The following KLHL29 variants were observed in gnomAD, a reference collection of about 807,000 sequenced individuals.
KLHL29 encodes the protein kelch-like protein 29.
Under a neutral mutation model 80.4 loss-of-function variants are expected in KLHL29, and 21 were observed. The ratio of observed to expected loss-of-function variants is 0.26; its 90% confidence interval spans 0.19 to 0.38. The LOEUF (loss-of-function observed/expected upper bound fraction) is 0.38. Among genes scored for constraint, KLHL29 ranks in the 10% least tolerant of loss-of-function variants. The pLI, the probability that KLHL29 is intolerant of heterozygous loss-of-function variation, is 1.00. For missense variants in KLHL29, 867 were observed against 1,223.9 expected, an observed-to-expected ratio of 0.71 and a Z score of 4.35; for synonymous variants, 511 against 526.8, an observed-to-expected ratio of 0.97 and a Z score of 0.41.
intron 3 of KLHL29, among the ~76,000 whole-genome samples, chr2:23,577,264 ACAT>A (rs1430850744): frequency 6.6e-6 from 1 of 152,210 alleles, no homozygotes. Context: ...AGCCTGGCCA[ACAT>A]GGTGAAACCC....
intron 2 of KLHL29, among the ~76,000 whole-genome samples, chr2:23,544,464 C>T (rs554913571): frequency 1.2e-4 from 19 of 152,166 alleles, no homozygotes; most frequent in Non-Finnish European, 2.4e-4. Context: ...AGATAGCCAT[C>T]GGAACAGCTG....
intron 3 of KLHL29, among the ~76,000 whole-genome samples, chr2:23,585,435 C>A (rs1389837596): frequency 6.6e-6 from 1 of 152,192 alleles, no homozygotes; most frequent in Admixed American, 6.5e-5. Context: ...TGCCACCAGG[C>A]CCTGTTCTGG....
chr2:23,438,688 TG>T (rs2103413224), intron 1 of KLHL29, among the ~76,000 whole-genome samples: 1 of 150,080 alleles, frequency 6.7e-6, no homozygotes, highest in Admixed American at 6.6e-5. Flanking sequence ...ATAAGCTTTT[TG>T]ATGTGCTGCT....
chr2:23,664,698 G>A (rs1385933389), intron 5 of KLHL29, among the ~76,000 whole-genome samples: 1 of 152,228 alleles, frequency 6.6e-6, no homozygotes, highest in Non-Finnish European at 1.5e-5. Context: ...ACAAAGAGGA[G>A]GGCAGCACCC....
At position 23,596,675 on chromosome 2, in the gene KLHL29, T is replaced by C. The variant is rs1668401328; in HGVS notation, c.285+34194T>C. ...GCCTCTTTAGCACGCCTTTAACCCC[T>C]ATCCTGCAAGCATCTCCCTCTAAAT... On this transcript the variant is annotated intron_variant, in intron 3 of 13. Coordinates refer to ENST00000486442, the MANE Select transcript of KLHL29 (RefSeq NM_052920.2). This position sits in a 1 kb window ranked among gnomAD's most constrained non-coding sequence, Gnocchi z 4.4. 2.0e-5 allele frequency among the ~76,000 whole-genome samples: 3 copies of C among 152,210 alleles called. No individual in the cohort carries two copies. Among genetic ancestry groups the C allele is most frequent in the Non-Finnish European group, 4.4e-5 (3 of 68,030 alleles).
chr2:23,538,814 G>T (rs1666751192), intron 2 of KLHL29, among the ~76,000 whole-genome samples: 1 of 152,210 alleles, frequency 6.6e-6, no homozygotes, highest in Non-Finnish European at 1.5e-5. Context: ...AGCCTAGATT[G>T]AGAGAAAGAA....
intron 1 of KLHL29, among the ~76,000 whole-genome samples, chr2:23,455,605 A>ATTTTTTTTTTTTTTTTTTTTTTTTT (rs397873479): frequency 9.4e-6 from 1 of 105,996 alleles, no homozygotes; most frequent in African/African-American, 3.7e-5. Flanking sequence ...TGGTCTCCTG[A>ATTTTTTTTTTTTTTTTTTTTTTTTT]TTTTTTTTTT....
chr2:23,482,251 G>T (rs960836534), intron 2 of KLHL29, among the ~76,000 whole-genome samples: 3 of 152,228 alleles, frequency 2.0e-5, no homozygotes, highest in African/African-American at 7.2e-5. Flanking sequence ...ACAGAACCTT[G>T]TTTGGCACCT....
At chr2:23,646,876 A>G (rs1423411456) in intron 5 of KLHL29, among the ~76,000 whole-genome samples, 1 of 152,198 alleles carries the variant, frequency 6.6e-6, no homozygotes, top group African/African-American at 2.4e-5. Flanking sequence ...GGGTGACAGT[A>G]CCACCCTCAC....
chr2:23,586,664 G>A (rs981668599), intron 3 of KLHL29, among the ~76,000 whole-genome samples: 3 of 152,100 alleles, frequency 2.0e-5, no homozygotes, highest in Non-Finnish European at 4.4e-5. Flanking sequence ...CCCGGCCAGC[G>A]TTACTTTTTA....
At chr2:23,567,119 C>T (rs376008703) in intron 3 of KLHL29, among the ~76,000 whole-genome samples, 7 of 152,204 alleles carry the variant, frequency 4.6e-5, no homozygotes, top group African/African-American at 1.7e-4. Context: ...ACTGCCAGGC[C>T]TGTTTGTGGG....
At chr2:23,558,331 C>T (rs566261153) in intron 2 of KLHL29, among the ~76,000 whole-genome samples, 5 of 151,934 alleles carry the variant, frequency 3.3e-5, no homozygotes, top group African/African-American at 4.8e-5. Flanking sequence ...CAGCTGACCT[C>T]GACATGCAGA....
intron 1 of KLHL29, among the ~76,000 whole-genome samples, chr2:23,453,880 C>T (rs1364878858): frequency 4.6e-5 from 7 of 152,120 alleles, no homozygotes; most frequent in African/African-American, 1.7e-4. Context: ...ATTTAACCTG[C>T]ATTTACCCTT....
At position 23,523,257 on chromosome 2, in the gene KLHL29, G is replaced by A. The variant is rs190611916; in HGVS notation, c.-45-38895G>A. 1.9e-3 allele frequency among the ~76,000 whole-genome samples: 283 copies of A among 152,326 alleles called. 1 individual carries two copies. Among genetic ancestry groups the A allele is most frequent in the Admixed American group, 3.3e-3 (50 of 15,302 alleles). ...GGGCAGAGGGCCTGCATGCCACAGC[G>A]AGAGCAGAAAGGGAGCAGAGCCATT... is the stretch of plus-strand genomic sequence containing the variant. On this transcript the variant is annotated intron_variant, in intron 2 of 13. Transcript: ENST00000486442.
intron 1 of KLHL29, among the ~76,000 whole-genome samples, chr2:23,466,756 A>AT (rs1345308260): frequency 1.3e-5 from 2 of 152,114 alleles, no homozygotes; most frequent in Non-Finnish European, 2.9e-5. Context: ...TTATAGATGT[A>AT]TTTGGATTTA....
At chr2:23,534,118 G>A (rs756979266) in intron 2 of KLHL29, among the ~76,000 whole-genome samples, 2 of 152,184 alleles carry the variant, frequency 1.3e-5, no homozygotes, top group East Asian at 3.9e-4. Flanking sequence ...CTGACATCCC[G>A]CTGAGCAGCA....
rs1380814115 is a variant in KLHL29 at position 23,503,596 on chromosome 2, C to T, written c.-46+27929C>T. On this transcript the variant is annotated intron_variant, in intron 2 of 13. Transcript: ENST00000486442. The surrounding 1 kb of genome is among the most constrained non-coding windows in gnomAD (Gnocchi z 4.0). ...GAGCCCACCGAGACTGCTGCAGCCT[C>T]GCTCATCCAGAACAGAGGCACCATG... 1.3e-5 allele frequency among the ~76,000 whole-genome samples: 2 copies of T among 151,984 alleles called. No homozygotes were observed. The highest frequency in any genetic ancestry group is 2.4e-5 in the African/African-American group (1 of 41,364).
intron 1 of KLHL29, among the ~76,000 whole-genome samples, chr2:23,453,953 A>G (rs1268262743): frequency 6.6e-6 from 1 of 152,138 alleles, no homozygotes; most frequent in Non-Finnish European, 1.5e-5. Flanking sequence ...AGGGGATTTT[A>G]CAGCGTTTGA....
chr2:23,432,040 C>T (rs538025818), intron 1 of KLHL29, among the ~76,000 whole-genome samples: 2 of 152,138 alleles, frequency 1.3e-5, no homozygotes, highest in Non-Finnish European at 2.9e-5. Context: ...AAACTATGGA[C>T]GTCAATTCCA....
Sources: allele counts gnomAD v4.1 joint callset (sites outside exome capture counted in the v4.1 genomes callset), GRCh38; gene constraint gnomAD v4.1.1; non-coding constraint Gnocchi (gnomAD v3.1); transcripts MANE v1.5; gene names NCBI Gene and HGNC (gene_info 2026-07-23, HGNC 2026-07-21).